Variants in EYA3 observed in about 807,000 individuals in gnomAD.
EYA3 encodes EYA transcriptional coactivator and phosphatase 3.
EYA3 carries 39 observed loss-of-function variants against 80.0 expected under a neutral mutation model. The observed-to-expected ratio is 0.49, with a 90% CI of 0.38 to 0.64. EYA3 has a LOEUF of 0.64. Among genes scored for constraint, EYA3 ranks in the 30% least tolerant of loss-of-function variants. EYA3 has a pLI of 0.00. For missense variants in EYA3, 523 were observed against 676.1 expected, an observed-to-expected ratio of 0.77 and a Z score of 2.51; for synonymous variants, 206 against 232.8, an observed-to-expected ratio of 0.88 and a Z score of 1.05.
chr1:28,025,004 T>C (rs1333458522), intron 7 of EYA3, among the ~76,000 whole-genome samples: 1 of 152,190 alleles, frequency 6.6e-6, no homozygotes, highest in Non-Finnish European at 1.5e-5. Flanking sequence ...TGCAGAATGC[T>C]TGGGGTGTTT....
chr1:27,979,935 A>C (rs1206734915), intron 16 of EYA3, among the ~76,000 whole-genome samples: 1 of 152,234 alleles, frequency 6.6e-6, no homozygotes, highest in Non-Finnish European at 1.5e-5. Context: ...CAGATATGTA[A>C]CTGCAAATCT....
At chr1:28,024,559 A>G (rs944178679) in intron 7 of EYA3, among the ~76,000 whole-genome samples, 1 of 151,932 alleles carries the variant, frequency 6.6e-6, no homozygotes, top group Non-Finnish European at 1.5e-5. Flanking sequence ...CGGGAGGCTG[A>G]GGCACAAGAA....
At chr1:28,046,895 T>TGGA (rs1644027311) in intron 3 of EYA3, among the ~76,000 whole-genome samples, 1 of 151,804 alleles carries the variant, frequency 6.6e-6, no homozygotes, top group East Asian at 1.9e-4. Flanking sequence ...CAACCCAGGA[T>TGGA]GGAGTTCAGT....
chr1:28,046,645 C>T (rs1450211593), intron 3 of EYA3, among the ~76,000 whole-genome samples: 1 of 152,204 alleles, frequency 6.6e-6, no homozygotes, highest in East Asian at 1.9e-4. Flanking sequence ...TGAATAGAAA[C>T]TAGGAACAGT....
At chr1:28,014,072 C>A (rs1571800828) in intron 8 of EYA3, among the ~76,000 whole-genome samples, 2 of 152,090 alleles carry the variant, frequency 1.3e-5, no homozygotes, top group South Asian at 4.2e-4. Flanking sequence ...CAAAACAAAA[C>A]AAACAAAAAA....
chr1:28,070,249 A>C (rs562300544), intron 1 of EYA3, among the ~76,000 whole-genome samples: 90 of 152,218 alleles, frequency 5.9e-4, no homozygotes, highest in African/African-American at 1.9e-3. Flanking sequence ...ACTGAAAACG[A>C]AAGTGGGAAA....
intron 2 of EYA3, among the ~76,000 whole-genome samples, chr1:28,055,415 G>T (rs1207574003): frequency 6.7e-6 from 1 of 148,686 alleles, no homozygotes; most frequent in Non-Finnish European, 1.5e-5. Flanking sequence ...GAAAGTGAAA[G>T]AATCTGAAGT....
At chr1:28,062,980 C>T (rs982950114) in intron 1 of EYA3, among the ~76,000 whole-genome samples, 2 of 141,018 alleles carry the variant, frequency 1.4e-5, no homozygotes, top group Non-Finnish European at 3.0e-5. Context: ...CCAGGCTGGG[C>T]GACAGGAAAC....
intron 1 of EYA3, among the ~76,000 whole-genome samples, chr1:28,080,582 T>C (rs2148953873): frequency 6.6e-6 from 1 of 152,108 alleles, no homozygotes; most frequent in East Asian, 1.9e-4. Flanking sequence ...TACATATATG[T>C]GTCTGAGTAC....
intron 13 of EYA3, among the ~76,000 whole-genome samples, chr1:27,996,410 A>AG (rs1409277740): frequency 6.6e-6 from 1 of 152,198 alleles, no homozygotes; most frequent in Non-Finnish European, 1.5e-5. Flanking sequence ...CACGTATAAG[A>AG]GGAAAAAAAA....
Position 27,972,043 on chromosome 1 carries a change from T to C in EYA3, c.*2423A>G, listed in dbSNP as rs1365820653. ...GAAAAAGGCCAATGATAAAAGTGAG[T>C]TCAAGTTACATTCTAAAATAAAGAG... is the stretch of plus-strand genomic sequence containing the variant. On this transcript the variant is annotated 3_prime_UTR_variant, in exon 18 of 18. Coordinates refer to ENST00000373871, the MANE Select transcript of EYA3 (RefSeq NM_001990.4). 6.6e-6 allele frequency: 1 copy of C among 152,026 alleles called. No individual in the cohort carries two copies. Among genetic ancestry groups the C allele is most frequent in the Admixed American group, 6.6e-5 (1 of 15,250 alleles). The allele number at this position is 152,026 out of a possible 1,614,324, so 9.4% of individuals were successfully genotyped here.
intron 16 of EYA3, among the ~76,000 whole-genome samples, chr1:27,978,781 T>C (rs1639114806): frequency 1.3e-5 from 2 of 152,158 alleles, no homozygotes; most frequent in Admixed American, 1.3e-4. Flanking sequence ...CTGACCAACA[T>C]GGAGAAACCC....
intron 1 of EYA3, among the ~76,000 whole-genome samples, chr1:28,064,840 A>G (rs1014932995): frequency 6.6e-6 from 1 of 152,154 alleles, no homozygotes; most frequent in African/African-American, 2.4e-5. Context: ...CACAACTAAG[A>G]CGCAGGTGGT....
At chr1:28,049,556 C>T (rs1157138296) in intron 2 of EYA3, among the ~76,000 whole-genome samples, 1 of 152,052 alleles carries the variant, frequency 6.6e-6, no homozygotes, top group Admixed American at 6.6e-5. Context: ...TATGATTACA[C>T]AAAAATTTTA....
At chr1:28,037,724 A>G (rs1479953625) in intron 5 of EYA3, among the ~76,000 whole-genome samples, 1 of 152,236 alleles carries the variant, frequency 6.6e-6, no homozygotes, top group East Asian at 1.9e-4. Context: ...AAATTAGAAG[A>G]ACTCATTGGG....
intron 1 of EYA3, among the ~76,000 whole-genome samples, chr1:28,076,737 CTTTT>C (rs1024335865): frequency 1.7e-5 from 2 of 115,102 alleles, no homozygotes; most frequent in Non-Finnish European, 1.8e-5. Flanking sequence ...TTTATAATTT[CTTTT>C]TTTTTTTTTT....
At position 27,993,494 on chromosome 1, in the gene EYA3, C is replaced by T. The variant is rs146903994; in HGVS notation, c.1209G>A (p.Val403=). The part of the protein sequence containing the change: ...SGGSGSHGSS[V]GVQGGVDWMR... ...TCCAGTCCACACCTCCCTGAACACC[C>T]ACAGATGAACCATGGCTGCCACTAC... Residue 403 remains valine, a synonymous_variant, in exon 14 of 18, where the codon GTG becomes GTA. Transcript: ENST00000373871. 1 of 1,612,896 alleles carries T rather than the reference C, an allele frequency of 6.2e-7. No homozygotes were observed. Among genetic ancestry groups the T allele is most frequent in the African/African-American group, 1.3e-5 (1 of 74,872 alleles).
chr1:28,087,955 G>C (rs993477342), intron 1 of EYA3, among the ~76,000 whole-genome samples: 1 of 152,166 alleles, frequency 6.6e-6, no homozygotes, highest in Non-Finnish European at 1.5e-5. Context: ...TTCCCATTTC[G>C]GGGCTTTGGC....
At chr1:28,031,122 G>C (rs527770638) in intron 6 of EYA3, among the ~76,000 whole-genome samples, 1 of 152,256 alleles carries the variant, frequency 6.6e-6, no homozygotes, top group East Asian at 1.9e-4. Flanking sequence ...AAATAAGTAG[G>C]AGATAGCTAG....
Sources: gnomAD v4.1 joint callset for allele counts (sites outside exome capture counted in the v4.1 genomes callset) on GRCh38, gnomAD v4.1.1 for gene constraint, MANE v1.5 for transcripts, NCBI Gene and HGNC (gene_info 2026-07-23, HGNC 2026-07-21) for gene names.